The following FRAS1 variants were observed in gnomAD, a reference collection of about 807,000 sequenced individuals.
FRAS1 encodes Fraser extracellular matrix complex subunit 1, also known as extracellular matrix organizing protein FRAS1.
A neutral mutation model predicts 435.2 loss-of-function variants in FRAS1; 290 were observed. That is an observed-to-expected ratio of 0.67 (90% confidence interval 0.61 to 0.73). The LOEUF is 0.73. FRAS1 is among the 30% of genes least tolerant of loss of function. The pLI is 0.00. For missense variants in FRAS1, 4,860 were observed against 5,001.5 expected (o/e 0.97, Z 0.85); for synonymous variants, 1,800 against 1,851.0 (o/e 0.97, Z 0.71).
chr4:78,312,179 C>CATAT (rs10526590), intron 15 of FRAS1, among the ~76,000 whole-genome samples: 8,253 of 128,490 alleles, frequency 0.064, 603 homozygotes, highest in African/African-American at 0.15. Context: ...ATCTGAAGTC[C>CATAT]ATATATATAT....
intron 20 of FRAS1, among the ~76,000 whole-genome samples, chr4:78,361,943 G>A (rs1017196964): frequency 2.6e-5 from 4 of 152,104 alleles, no homozygotes; most frequent in African/African-American, 9.7e-5. Flanking sequence ...TTGGGTTAAA[G>A]GATGATAAAT....
At chr4:78,409,589 A>G (rs944218802) in intron 31 of FRAS1, among the ~76,000 whole-genome samples, 7 of 152,240 alleles carry the variant, frequency 4.6e-5, no homozygotes, top group African/African-American at 1.7e-4. Flanking sequence ...TTCTTTGAAG[A>G]TCAATAAAAT....
At chr4:78,198,920 C>T (rs7695154) in intron 2 of FRAS1, among the ~76,000 whole-genome samples, 145,926 of 152,274 alleles carry the variant, frequency 0.96, 70,216 homozygotes, top group East Asian at 1. Flanking sequence ...ACATACAAAA[C>T]ATGTGTTAAT....
At chr4:78,179,505 A>G (rs1027834378) in intron 2 of FRAS1, among the ~76,000 whole-genome samples, 2 of 152,198 alleles carry the variant, frequency 1.3e-5, no homozygotes, top group Admixed American at 6.5e-5. Flanking sequence ...ACTCTCTAAA[A>G]TGTGGAGCTT....
chr4:78,424,582 GGTTA>G (rs1229093478), intron 35 of FRAS1, among the ~76,000 whole-genome samples, 162 bp downstream of exon 35: 6 of 151,976 alleles, frequency 3.9e-5, no homozygotes, highest in African/African-American at 1.2e-4. Context: ...ATAAACAAAT[GGTTA>G]GTTAAATAGT....
At chr4:78,247,605 C>T (rs1192481013) in intron 4 of FRAS1, among the ~76,000 whole-genome samples, 3 of 152,118 alleles carry the variant, frequency 2.0e-5, no homozygotes, top group African/African-American at 4.8e-5. Flanking sequence ...GGGTTAAATG[C>T]TTGTCTGGTC....
At chr4:78,237,852 C>G (rs1724830328) in intron 3 of FRAS1, among the ~76,000 whole-genome samples, 1 of 152,106 alleles carries the variant, frequency 6.6e-6, no homozygotes, top group African/African-American at 2.4e-5. Flanking sequence ...TACTCTGGAC[C>G]AGGGACTTGG....
In FRAS1 at chr4:78,477,852, C is replaced by T. The variant is rs1719900775; in HGVS notation, c.7889C>T (p.Thr2630Ile). ...GAGCGAGAGGACACCAAGTCCTGCA[C>T]CATTGTCATCAACGATGATGACGTG... ...FDEREDTKSC[T>I]IVINDDDVFE... Residue 2630 changes from threonine (T) to isoleucine (I), a missense_variant, in exon 55 of 74, where the codon ACC becomes ATC. Transcript: ENST00000512123. The T allele has an allele frequency of 6.2e-7, 1 of 1,613,424 alleles. No homozygotes were observed. The highest frequency in any genetic ancestry group is 1.1e-5 in the South Asian group (1 of 90,936).
intron 9 of FRAS1, among the ~76,000 whole-genome samples, chr4:78,278,035 G>A (rs967572622): frequency 3.3e-5 from 5 of 152,068 alleles, no homozygotes; most frequent in South Asian, 4.2e-4. Context: ...TCCTGACCTC[G>A]TGATCCGCCC....
intron 2 of FRAS1, among the ~76,000 whole-genome samples, chr4:78,137,480 T>TA (rs981732406): frequency 7.9e-5 from 12 of 152,346 alleles, no homozygotes; most frequent in African/African-American, 2.2e-4. Context: ...TTTTATTTTT[T>TA]AAAAAATGCC....
chr4:78,455,879 A>T (rs141836272), intron 47 of FRAS1, among the ~76,000 whole-genome samples: 1 of 152,324 alleles, frequency 6.6e-6, no homozygotes, highest in East Asian at 1.9e-4. Context: ...TAACTAGGAT[A>T]GAAGCTAAGC....
chr4:78,360,129 G>T (rs771263289), intron 20 of FRAS1, among the ~76,000 whole-genome samples: 22 of 152,212 alleles, frequency 1.4e-4, no homozygotes, highest in Non-Finnish European at 2.6e-4. Context: ...CACAGAAAGA[G>T]AACCCAGCCA....
At chr4:78,454,000 A>ACAAG (rs1236045644) in intron 47 of FRAS1, among the ~76,000 whole-genome samples, 1 of 152,128 alleles carries the variant, frequency 6.6e-6, no homozygotes, top group Non-Finnish European at 1.5e-5. Flanking sequence ...GATTCCAACA[A>ACAAG]CAAGCAAGCA....
chr4:78,371,182 A>G lies in FRAS1; in HGVS notation c.2869+1198A>G, dbSNP rs370705926. Among the ~76,000 whole-genome samples, 17 of 149,640 alleles carry G rather than the reference A, an allele frequency of 1.1e-4. 1 individual carries two copies. Among genetic ancestry groups the G allele is most frequent in the South Asian group, 6.3e-4 (3 of 4,764 alleles). On this transcript the variant is annotated intron_variant, in intron 23 of 73. Coordinates refer to ENST00000512123, the MANE Select transcript of FRAS1 (RefSeq NM_025074.7). ...AATCCACTCCATTATAAATGATTTC[A>G]TAACTGTGCTGGCAGTTTTCAAGGC...
chr4:78,174,563 G>A (rs1560563694), intron 2 of FRAS1, among the ~76,000 whole-genome samples: 1 of 152,170 alleles, frequency 6.6e-6, no homozygotes, highest in Non-Finnish European at 1.5e-5. Context: ...AAGATAGAAG[G>A]GGTGCACTCA....
chr4:78,168,205 A>C (rs748008386), intron 2 of FRAS1, among the ~76,000 whole-genome samples: 16 of 152,064 alleles, frequency 1.1e-4, no homozygotes, highest in Middle Eastern at 3.4e-3. Context: ...ATATAGACTA[A>C]TGCCCTTTGT....
In FRAS1 at chr4:78,138,021, T is replaced by G. The variant is rs554880000; in HGVS notation, c.108+72005T>G. 4.6e-5 allele frequency among the ~76,000 whole-genome samples: 7 copies of G among 152,336 alleles called. No individual in the cohort carries two copies. In the South Asian group the frequency reaches 8.3e-4, roughly 18 times the overall value. ...TATTAGTGGTCGGGTGCACCCAGTG[T>G]GCACTGGTTTAATCTGAGATGCGAG... On this transcript the variant is annotated intron_variant, in intron 2 of 73. Transcript: ENST00000512123.
intron 71 of FRAS1, among the ~76,000 whole-genome samples, chr4:78,535,793 T>G (rs1047071552): frequency 2.0e-5 from 3 of 152,232 alleles, no homozygotes; most frequent in Non-Finnish European, 2.9e-5. Context: ...ACCTTTCCGC[T>G]TAAAACCCTC....
chr4:78,184,514 T>C (rs1722189529), intron 2 of FRAS1, among the ~76,000 whole-genome samples: 1 of 152,236 alleles, frequency 6.6e-6, no homozygotes, highest in Admixed American at 6.5e-5. Context: ...CAGGCTATAG[T>C]CTGTCAGACC....
Sources: allele counts gnomAD v4.1 joint callset (sites outside exome capture counted in the v4.1 genomes callset), GRCh38; gene constraint gnomAD v4.1.1; transcripts MANE v1.5; gene names NCBI Gene and HGNC (gene_info 2026-07-23, HGNC 2026-07-21).